Variants in SLC35F4 observed in about 807,000 individuals in gnomAD.
SLC35F4 encodes solute carrier family 35 member F4.
A neutral mutation model predicts 44.2 loss-of-function variants in SLC35F4; 24 were observed. That is an observed-to-expected ratio of 0.54 (90% CI 0.39 to 0.76). The LOEUF (loss-of-function observed/expected upper bound fraction) is 0.76. Among genes scored for constraint, SLC35F4 ranks in the 30% least tolerant of loss-of-function variants. SLC35F4 has a pLI of 0.00. For synonymous variants in SLC35F4, 238 were observed against 223.6 expected (o/e 1.06, Z -0.57); for missense variants, 562 against 586.1 (o/e 0.96, Z 0.42).
intron 1 of SLC35F4, among the ~76,000 whole-genome samples, chr14:57,897,056 A>G (rs568812309): frequency 6.6e-6 from 1 of 152,298 alleles, no homozygotes; most frequent in East Asian, 1.9e-4. Flanking sequence ...AAATGAATTT[A>G]ACTAAATACA....
At chr14:57,568,795 T>C (rs965516184) in intron 6 of SLC35F4, among the ~76,000 whole-genome samples, 16 of 152,068 alleles carry the variant, frequency 1.1e-4, no homozygotes, top group African/African-American at 3.9e-4. Flanking sequence ...AGGTCGAGCA[T>C]TGTGGGAAAA....
chr14:57,571,976 G>A lies in SLC35F4; in HGVS notation c.851C>T (p.Ala284Val), dbSNP rs1422958476. The change falls in exon 5 of 8, where the codon GCA becomes GTA. Residue 284 changes from alanine (A) to valine (V), a missense_variant. Ala to Val is a moderately conservative substitution (Grantham distance 64, BLOSUM62 0). Coordinates refer to ENST00000556826, the MANE Select transcript of SLC35F4 (RefSeq NM_001306087.2). ...ATCAGCGTGGAAATTATCTGCATAT[G>A]CCATCATGACAATGCCGGTAATTGC... ...IMAITGIVMM[A>V]YADNFHADSI... is the part of the protein sequence containing the mutation. The A allele has an allele frequency of 6.2e-7, 1 of 1,612,002 alleles. No individual in the cohort carries two copies. The highest frequency in any genetic ancestry group is 8.5e-7 in the Non-Finnish European group (1 of 1,178,952).
At chr14:57,853,158 A>C (rs191317554) in intron 1 of SLC35F4, among the ~76,000 whole-genome samples, 4 of 152,332 alleles carry the variant, frequency 2.6e-5, no homozygotes, top group Admixed American at 6.5e-5. Context: ...CACTTCAATG[A>C]AGCTTAACAA....
chr14:57,787,898 T>A (rs1438417382), intron 1 of SLC35F4, among the ~76,000 whole-genome samples: 1 of 152,164 alleles, frequency 6.6e-6, no homozygotes, highest in Admixed American at 6.5e-5. Context: ...AAGAGCTGGA[T>A]GAATGTGATG....
At chr14:57,810,226 T>TC (rs974408170) in intron 1 of SLC35F4, among the ~76,000 whole-genome samples, 17 of 151,958 alleles carry the variant, frequency 1.1e-4, no homozygotes, top group African/African-American at 2.2e-4. Context: ...AAATTCTTGC[T>TC]CCCCCCACTA....
At position 57,761,634 on chromosome 14, in the gene SLC35F4, C is replaced by T. The variant is rs541103052; in HGVS notation, c.103+104089G>A. ...TATTACCACATAAATAATTCTCTCA[C>T]AGAGACATGAAGTCAATAAAGCAGA... On this transcript the variant is annotated intron_variant, in intron 1 of 7. Transcript: ENST00000556826. Among the ~76,000 whole-genome samples, 16 of 152,186 alleles carry T rather than the reference C, an allele frequency of 1.1e-4. No individual in the cohort carries two copies. The East Asian group carries it at 2.3e-3, about 22-fold the overall frequency.
At chr14:57,573,451 G>T (rs559303057) in intron 4 of SLC35F4, among the ~76,000 whole-genome samples, 2 of 152,210 alleles carry the variant, frequency 1.3e-5, no homozygotes, top group South Asian at 2.1e-4. Flanking sequence ...GAAGCTGCCG[G>T]GTGTGTGTTC....
intron 1 of SLC35F4, among the ~76,000 whole-genome samples, chr14:57,622,684 G>A (rs1033159404): frequency 6.6e-6 from 1 of 152,104 alleles, no homozygotes; most frequent in Non-Finnish European, 1.5e-5. Context: ...TTGGGGGAGT[G>A]GGGAGGGATA....
At chr14:57,769,303 T>C (rs891869172) in intron 1 of SLC35F4, among the ~76,000 whole-genome samples, 14 of 152,194 alleles carry the variant, frequency 9.2e-5, no homozygotes, top group South Asian at 2.1e-4. Flanking sequence ...CTTTTCAAAA[T>C]AATTGCTTTG....
intron 1 of SLC35F4, among the ~76,000 whole-genome samples, chr14:57,721,794 T>C (rs944677182): frequency 3.3e-5 from 5 of 152,164 alleles, no homozygotes; most frequent in Non-Finnish European, 2.9e-5. Flanking sequence ...CCATCCCCAG[T>C]AGTGGCAACA....
At chr14:57,981,361 G>A (rs1238821675) in intron 1 of SLC35F4, among the ~76,000 whole-genome samples, 2 of 152,082 alleles carry the variant, frequency 1.3e-5, no homozygotes, top group African/African-American at 4.8e-5. Flanking sequence ...GTGGGAAATG[G>A]GTGCTTGGGT....
intron 1 of SLC35F4, among the ~76,000 whole-genome samples, chr14:57,810,074 A>T (rs527340251): frequency 2.0e-5 from 3 of 152,306 alleles, no homozygotes; most frequent in South Asian, 4.1e-4. Flanking sequence ...GTATTGAAAT[A>T]TGTTTAGTTG....
intron 6 of SLC35F4, among the ~76,000 whole-genome samples, chr14:57,568,094 G>A (rs2068293997): frequency 6.6e-6 from 1 of 152,208 alleles, no homozygotes; most frequent in Non-Finnish European, 1.5e-5. Context: ...AGGCTGGAGG[G>A]AGGCTATCTC....
intron 1 of SLC35F4, among the ~76,000 whole-genome samples, chr14:57,785,347 C>G (rs2140769443): frequency 6.6e-6 from 1 of 152,300 alleles, no homozygotes; most frequent in Admixed American, 6.5e-5. Context: ...CCCTCCATTG[C>G]ACGGCACCCC....
At chr14:57,632,426 A>T (rs2072826847) in intron 1 of SLC35F4, among the ~76,000 whole-genome samples, 1 of 152,130 alleles carries the variant, frequency 6.6e-6, no homozygotes. Flanking sequence ...CACAGGAGGT[A>T]AAGAAAGACA....
chr14:57,961,121 CG>C (rs1566516577), intron 1 of SLC35F4, among the ~76,000 whole-genome samples: 1 of 152,108 alleles, frequency 6.6e-6, no homozygotes, highest in African/African-American at 2.4e-5. Flanking sequence ...GACGGAGAGA[CG>C]TGATTTTCAG....
chr14:57,830,558 A>AT (rs1373484667), intron 1 of SLC35F4, among the ~76,000 whole-genome samples: 1 of 152,204 alleles, frequency 6.6e-6, no homozygotes, highest in Non-Finnish European at 1.5e-5. Context: ...AAGATTGAAA[A>AT]TTTAAAGAGC....
intron 1 of SLC35F4, among the ~76,000 whole-genome samples, chr14:57,786,908 A>C (rs1409273984): frequency 2.0e-5 from 3 of 152,192 alleles, no homozygotes; most frequent in Non-Finnish European, 4.4e-5. Context: ...ACCCAAACCA[A>C]GAAGAGATCC....
chr14:57,589,652 T>C, intron 2 of SLC35F4, 139 bp from the exon 3 acceptor site: 1 of 956,540 alleles, frequency 1.0e-6, no homozygotes, highest in Non-Finnish European at 1.5e-6. Flanking sequence ...TCTACCATCA[T>C]TTGAAGAGAC....
Sources: gnomAD v4.1 joint callset for allele counts (sites outside exome capture counted in the v4.1 genomes callset) on GRCh38, gnomAD v4.1.1 for gene constraint, MANE v1.5 for transcripts, NCBI Gene and HGNC (gene_info 2026-07-23, HGNC 2026-07-21) for gene names.